HAAO: variants seen among roughly 807,000 people sequenced by gnomAD.
HAAO encodes 3-hydroxyanthranilate oxygenase.
HAAO carries 49 observed loss-of-function variants against 46.2 expected under a neutral mutation model. The ratio of observed to expected loss-of-function variants is 1.06; its 90% CI spans 0.84 to 1.34. The LOEUF (loss-of-function observed/expected upper bound fraction) is 1.34, where lower values mean the gene tolerates loss of function less well. Among genes scored for constraint, HAAO ranks in the 40% most tolerant of loss-of-function variants. HAAO has a pLI of 0.00. For synonymous variants in HAAO, 157 were observed against 145.2 expected (o/e 1.08, Z -0.58); for missense variants, 408 against 364.5 (o/e 1.12, Z -0.97).
chr2:42,781,227 C>T (rs936279775), intron 4 of HAAO, among the ~76,000 whole-genome samples: 4 of 152,202 alleles, frequency 2.6e-5, no homozygotes, highest in Admixed American at 2.0e-4. Flanking sequence ...CAATAAGAAT[C>T]TGTTTTCATT....
At position 42,767,545 on chromosome 2, in the gene HAAO, A is replaced by G. The variant is rs768893824; in HGVS notation, c.783-30T>C. Reference sequence around the variant, plus strand: ...GGACACACAGATGAGCAGGGATCACACAGAGTTGGACCCTGAGGATCCCAG... The same window carrying G: ...GGACACACAGATGAGCAGGGATCACGCAGAGTTGGACCCTGAGGATCCCAG... On this transcript the variant is annotated intron_variant, in intron 9 of 9. Coordinates refer to ENST00000294973, the MANE Select transcript of HAAO (RefSeq NM_012205.3). 2.5e-6 allele frequency: 4 copies of G among 1,596,420 alleles called. No individual in the cohort carries two copies. The African/African-American group carries it at 5.4e-5, about 21-fold the overall frequency.
intron 4 of HAAO, among the ~76,000 whole-genome samples, chr2:42,772,970 T>C (rs1331554209): frequency 6.7e-6 from 1 of 149,780 alleles, no homozygotes; most frequent in African/African-American, 2.4e-5. Flanking sequence ...CCAAACACTG[T>C]TGAGCTTTTG....
intron 4 of HAAO, among the ~76,000 whole-genome samples, chr2:42,775,972 C>G (rs1237781109): frequency 6.8e-6 from 1 of 146,992 alleles, no homozygotes; most frequent in Non-Finnish European, 1.5e-5. Context: ...TGGCTAAGAT[C>G]AAATGTGGAA....
chr2:42,783,778 C>A lies in HAAO; in HGVS notation c.243+6G>T, dbSNP rs1239826323. The A allele has an allele frequency of 1.2e-6, 2 of 1,609,664 alleles. No individual in the cohort carries two copies. The highest frequency in any genetic ancestry group is 1.7e-5 in the Admixed American group (1 of 59,576). On this transcript the variant is annotated splice_donor_region_variant and intron_variant, in intron 3 of 9. Coordinates refer to ENST00000294973, the MANE Select transcript of HAAO (RefSeq NM_012205.3). Reference sequence around the variant, plus strand: ...TCTTCCCCACCCTGCTGGGATCCGGCCTCACCTCTCCCTGCCGAATGACCA... The same window carrying A: ...TCTTCCCCACCCTGCTGGGATCCGGACTCACCTCTCCCTGCCGAATGACCA...
intron 4 of HAAO, among the ~76,000 whole-genome samples, chr2:42,776,334 G>A (rs956242856): frequency 1.3e-5 from 2 of 149,510 alleles, no homozygotes; most frequent in Non-Finnish European, 3.0e-5. Context: ...CTGCCTCCTG[G>A]GTTCAAGAGA....
intron 4 of HAAO, among the ~76,000 whole-genome samples, chr2:42,779,385 G>T (rs554733630): frequency 6.6e-6 from 1 of 151,514 alleles, no homozygotes; most frequent in Non-Finnish European, 1.5e-5. Flanking sequence ...GCAGTGGTGC[G>T]ATCTTGGCTC....
At chr2:42,783,562 C>T (rs1442168788) in intron 3 of HAAO, 142 bp from the exon 4 acceptor site, 2 of 679,290 alleles carry the variant, frequency 2.9e-6, no homozygotes, top group Non-Finnish European at 5.2e-6. Flanking sequence ...CTTCTCTGCC[C>T]AGCCTCTACA....
intron 4 of HAAO, among the ~76,000 whole-genome samples, chr2:42,771,703 T>G (rs1241432465): frequency 6.6e-6 from 1 of 152,248 alleles, no homozygotes; most frequent in African/African-American, 2.4e-5. Context: ...CCCCTGTGGG[T>G]GCTGCACATG....
intron 4 of HAAO, among the ~76,000 whole-genome samples, chr2:42,774,946 A>AAC (rs146530543): frequency 0.38 from 56,931 of 151,234 alleles, 11,799 homozygotes; most frequent in African/African-American, 0.53. Context: ...CCTCCCCACC[A>AAC]ACACACACAC....
chr2:42,787,164 C>A (rs11124892), intron 2 of HAAO, among the ~76,000 whole-genome samples: 120,884 of 151,838 alleles, frequency 0.8, 48,485 homozygotes, highest in Middle Eastern at 0.93. Context: ...TCACTCAATC[C>A]CTCAGCTGCC....
chr2:42,770,282 T>G, intron 5 of HAAO, 96 bp from the exon 6 acceptor site: 1 of 1,061,486 alleles, frequency 9.4e-7, no homozygotes, highest in Non-Finnish European at 1.4e-6. Context: ...CAGGTGCAGG[T>G]GCCCACACAC....
chr2:42,785,970 A>G (rs984196143), intron 2 of HAAO, among the ~76,000 whole-genome samples: 2 of 148,534 alleles, frequency 1.3e-5, no homozygotes, highest in Non-Finnish European at 3.0e-5. Context: ...GCATTTCAGT[A>G]TGCTCTCCTC....
At chr2:42,771,583 G>T (rs2104641395) in intron 4 of HAAO, among the ~76,000 whole-genome samples, 1 of 152,294 alleles carries the variant, frequency 6.6e-6, no homozygotes, top group East Asian at 1.9e-4. Context: ...CCATGTACAT[G>T]TACATATAGC....
At chr2:42,779,330 AT>A (rs34980381) in intron 4 of HAAO, among the ~76,000 whole-genome samples, 5 of 148,940 alleles carry the variant, frequency 3.4e-5, no homozygotes, top group Admixed American at 6.7e-5. Flanking sequence ...GGTTCATGCT[AT>A]TTTTTTTTTT....
rs1208842136 is a variant in HAAO at position 42,767,373 on chromosome 2, T to G, written c.*64A>C. 4.4e-6 allele frequency: 5 copies of G among 1,128,406 alleles called. No individual in the cohort carries two copies. In the East Asian group the frequency reaches 1.2e-4, roughly 27 times the overall value. 69.9% of individuals were successfully genotyped at this position (1,128,406 alleles called of 1,614,324 possible). On this transcript the variant is annotated 3_prime_UTR_variant, in exon 10 of 10. Coordinates refer to ENST00000294973, the MANE Select transcript of HAAO (RefSeq NM_012205.3). Reference sequence around the variant, plus strand: ...GGTAGTGGGGGCTGGGAGAGTTGTTTGGCAGGGATGGCACTCGAGGGTGCT... The same window carrying G: ...GGTAGTGGGGGCTGGGAGAGTTGTTGGGCAGGGATGGCACTCGAGGGTGCT...
chr2:42,782,829 T>C (rs1199720300), intron 4 of HAAO: 1 of 441,348 alleles, frequency 2.3e-6, no homozygotes, highest in Non-Finnish European at 4.6e-6. Flanking sequence ...TTGTCTCACC[T>C]TTCCAGACAG....
In HAAO at chr2:42,792,529, CG is replaced by C. The variant is rs775983172; in HGVS notation, c.7del (p.Arg3AlafsTer5). ME[R>X]RLGVRAWVKE... ...CACCCAGGCCCTCACTCCCAGGCGG[CG>C]CTCCATGACTGTCCCGGGCGCCTCC... On this transcript the variant is annotated frameshift_variant, in exon 1 of 10. Coordinates refer to ENST00000294973, the MANE Select transcript of HAAO (RefSeq NM_012205.3). LOFTEE classifies it high-confidence loss of function. 6 of 1,578,874 alleles carry C rather than the reference CG, an allele frequency of 3.8e-6. No individual in the cohort carries two copies. In the South Asian group the frequency reaches 6.8e-5, roughly 18 times the overall value.
intron 4 of HAAO, among the ~76,000 whole-genome samples, chr2:42,774,798 G>A (rs200694845): frequency 6.6e-6 from 1 of 152,124 alleles, no homozygotes; most frequent in Non-Finnish European, 1.5e-5. Context: ...TGTTGTTGTT[G>A]TTGCTGTTTG....
At chr2:42,767,839 C>G in intron 8 of HAAO, 21 bp downstream of exon 8, 1 of 1,612,300 alleles carries the variant, frequency 6.2e-7, no homozygotes, top group African/African-American at 1.3e-5. Context: ...TTCTGCAACC[C>G]TGTCCCTGGG....
Sources: allele counts gnomAD v4.1 joint callset (sites outside exome capture counted in the v4.1 genomes callset), GRCh38; gene constraint gnomAD v4.1.1; transcripts MANE v1.5; gene names NCBI Gene and HGNC (gene_info 2026-07-23, HGNC 2026-07-21).